Variants in ZSWIM5 observed in about 807,000 individuals in gnomAD.
The protein encoded by ZSWIM5 is zinc finger SWIM-type containing 5.
A neutral mutation model predicts 119.6 loss-of-function variants in ZSWIM5; 55 were observed. That is an observed-to-expected ratio of 0.46 (90% CI 0.37 to 0.58). The LOEUF is 0.58. Among genes scored for constraint, ZSWIM5 ranks in the 20% least tolerant of loss-of-function variants. The probability of loss-of-function intolerance (pLI) is 0.00; values close to 1 mark genes in which losing one functional copy is unlikely to be tolerated. For synonymous variants in ZSWIM5, 537 were observed against 606.9 expected, an observed-to-expected ratio of 0.88 and a Z score of 1.69; for missense variants, 1,193 against 1,512.8, an observed-to-expected ratio of 0.79 and a Z score of 3.51.
chr1:45,155,110 G>A (rs982002998), intron 1 of ZSWIM5, among the ~76,000 whole-genome samples: 1 of 152,040 alleles, frequency 6.6e-6, no homozygotes, highest in Non-Finnish European at 1.5e-5. Flanking sequence ...CCCACAGAGT[G>A]GGAGAAAATC....
chr1:45,097,204 T>TTAA (rs2149015936), intron 1 of ZSWIM5, among the ~76,000 whole-genome samples: 1 of 152,354 alleles, frequency 6.6e-6, no homozygotes, highest in Admixed American at 6.5e-5. Context: ...TTTCCCAGCA[T>TTAA]TAAGGCTGGG....
chr1:45,160,327 A>C (rs1443271477), intron 1 of ZSWIM5, among the ~76,000 whole-genome samples: 1 of 152,130 alleles, frequency 6.6e-6, no homozygotes, highest in Non-Finnish European at 1.5e-5. Flanking sequence ...CTTATAGCTA[A>C]TTTGAAATAT....
At chr1:45,192,273 G>GT (rs1485451987) in intron 1 of ZSWIM5, among the ~76,000 whole-genome samples, 5 of 152,294 alleles carry the variant, frequency 3.3e-5, no homozygotes, top group South Asian at 2.1e-4. Context: ...CAACAGAACA[G>GT]TAACTCTTCA....
At chr1:45,063,189 T>G (rs746975152) in intron 2 of ZSWIM5, among the ~76,000 whole-genome samples, 20 of 152,216 alleles carry the variant, frequency 1.3e-4, no homozygotes, top group Non-Finnish European at 2.8e-4. Context: ...AATTCCATGA[T>G]GTATATGTAC....
intron 1 of ZSWIM5, among the ~76,000 whole-genome samples, chr1:45,174,444 C>G (rs1226747): frequency 0.16 from 23,636 of 151,344 alleles, 1,961 homozygotes; most frequent in African/African-American, 0.18. Flanking sequence ...CATTCAAGTT[C>G]ATTATCAGCT....
intron 2 of ZSWIM5, among the ~76,000 whole-genome samples, chr1:45,081,477 G>T (rs909726651): frequency 3.3e-5 from 5 of 152,244 alleles, no homozygotes. Context: ...CGCCTGACTG[G>T]TTTTCGTATT....
chr1:45,111,080 T>C (rs1355671012), intron 1 of ZSWIM5, among the ~76,000 whole-genome samples: 3 of 152,044 alleles, frequency 2.0e-5, no homozygotes, highest in Admixed American at 1.3e-4. Context: ...AGGAAGTAAA[T>C]GTTATAGCAA....
At chr1:45,166,617 G>A (rs1645905558) in intron 1 of ZSWIM5, among the ~76,000 whole-genome samples, 1 of 152,128 alleles carries the variant, frequency 6.6e-6, no homozygotes, top group Non-Finnish European at 1.5e-5. Flanking sequence ...CGCAACTTCA[G>A]CAAAGTGTCA....
rs769755569 is a variant in ZSWIM5 at position 45,058,709 on chromosome 1, T to G, written c.1152A>C (p.Thr384=). The change falls in exon 4 of 14, where the codon ACA becomes ACC. Residue 384 remains threonine, a synonymous_variant. Coordinates refer to ENST00000359600, the MANE Select transcript of ZSWIM5 (RefSeq NM_020883.2). ...CAGCCACAAACTGCTCAGTTATTAGTGTCAGCATCCTTGCTCCATTGGAAT... is the reference window on the plus strand; with the variant it reads ...CAGCCACAAACTGCTCAGTTATTAGGGTCAGCATCCTTGCTCCATTGGAAT... ...MRDSNGARML[T]LITEQFVADP... is the part of the protein sequence containing the mutation. 6.2e-7 allele frequency: 1 copy of G among 1,614,188 alleles called. No individual in the cohort carries two copies. Among genetic ancestry groups the G allele is most frequent in the Non-Finnish European group, 8.5e-7 (1 of 1,180,046 alleles).
chr1:45,085,463 T>A (rs978863653), intron 2 of ZSWIM5, among the ~76,000 whole-genome samples: 7 of 152,122 alleles, frequency 4.6e-5, no homozygotes, highest in Non-Finnish European at 8.8e-5. Context: ...AGGCTGAAAA[T>A]TTTCCAAACT....
At chr1:45,187,651 G>A (rs1023553892) in intron 1 of ZSWIM5, among the ~76,000 whole-genome samples, 10 of 151,834 alleles carry the variant, frequency 6.6e-5, no homozygotes, top group African/African-American at 2.4e-4. Flanking sequence ...ACTATCAAGA[G>A]AGTTAAGACA....
intron 1 of ZSWIM5, among the ~76,000 whole-genome samples, chr1:45,142,090 G>A (rs1205247849): frequency 6.6e-6 from 1 of 152,004 alleles, no homozygotes; most frequent in Admixed American, 6.6e-5. Flanking sequence ...CATGTCTGTG[G>A]TCCTAGCTAC....
At chr1:45,193,944 A>C (rs1030788766) in intron 1 of ZSWIM5, among the ~76,000 whole-genome samples, 5 of 151,854 alleles carry the variant, frequency 3.3e-5, no homozygotes, top group Non-Finnish European at 4.4e-5. Context: ...ATGTGTATAT[A>C]TATATATATA....
chr1:45,068,507 AATT>A (rs1327850630), intron 2 of ZSWIM5, among the ~76,000 whole-genome samples: 1 of 151,464 alleles, frequency 6.6e-6, no homozygotes, highest in Non-Finnish European at 1.5e-5. Context: ...AAAAAAAAAA[AATT>A]AATGTATTCC....
chr1:45,084,838 G>A (rs1645315729), intron 2 of ZSWIM5, among the ~76,000 whole-genome samples: 1 of 152,260 alleles, frequency 6.6e-6, no homozygotes, highest in African/African-American at 2.4e-5. Context: ...GGTGTTGAGT[G>A]CCTGTGGCTT....
At chr1:45,103,834 TTC>T (rs1290393011) in intron 1 of ZSWIM5, among the ~76,000 whole-genome samples, 1 of 152,224 alleles carries the variant, frequency 6.6e-6, no homozygotes, top group Non-Finnish European at 1.5e-5. Flanking sequence ...CCTTTTGTTT[TTC>T]TGAGTGCAAG....
chr1:45,132,607 A>T (rs1645664478), intron 1 of ZSWIM5, among the ~76,000 whole-genome samples: 1 of 151,764 alleles, frequency 6.6e-6, no homozygotes, highest in Middle Eastern at 3.4e-3. Context: ...CGGGAAAATA[A>T]TTTTTTTTCT....
At chr1:45,097,070 G>C (rs1645407819) in intron 1 of ZSWIM5, among the ~76,000 whole-genome samples, 1 of 152,190 alleles carries the variant, frequency 6.6e-6, no homozygotes, top group Admixed American at 6.5e-5. Flanking sequence ...TGTGCAGCAA[G>C]AGCTCTGGGA....
At chr1:45,144,915 A>G (rs1008672153) in intron 1 of ZSWIM5, among the ~76,000 whole-genome samples, 3 of 152,192 alleles carry the variant, frequency 2.0e-5, no homozygotes, top group African/African-American at 4.8e-5. Flanking sequence ...TGCAAGACAC[A>G]TATCCAATAA....
Sources: gnomAD v4.1 joint callset for allele counts (sites outside exome capture counted in the v4.1 genomes callset) on GRCh38, gnomAD v4.1.1 for gene constraint, MANE v1.5 for transcripts, NCBI Gene and HGNC (gene_info 2026-07-23, HGNC 2026-07-21) for gene names.